Variants in TIAM2 observed in about 807,000 individuals in gnomAD.
TIAM2 encodes rho guanine nucleotide exchange factor TIAM2.
Under a neutral mutation model 152.9 loss-of-function variants are expected in TIAM2, and 80 were observed. The ratio of observed to expected loss-of-function variants is 0.52; its 90% CI spans 0.44 to 0.63. The LOEUF is 0.63. TIAM2 is among the 30% of genes least tolerant of loss of function. TIAM2 has a pLI of 0.00. For missense variants in TIAM2, 1,965 were observed against 2,120.1 expected (o/e 0.93, Z 1.44); for synonymous variants, 804 against 838.0 (o/e 0.96, Z 0.70).
chr6:155,051,847 C>G (rs1256321416), intron 1 of TIAM2, among the ~76,000 whole-genome samples: 1 of 152,104 alleles, frequency 6.6e-6, no homozygotes, highest in Admixed American at 6.6e-5. Flanking sequence ...ACCATGTTGG[C>G]CAGGATGGTC....
intron 7 of TIAM2, among the ~76,000 whole-genome samples, chr6:155,155,986 C>G (rs905092550): frequency 3.9e-5 from 6 of 152,152 alleles, no homozygotes; most frequent in Non-Finnish European, 8.8e-5. Flanking sequence ...CAGTTGAGCT[C>G]TCAGTCTAGC....
At chr6:155,063,557 G>A (rs1187611108) in intron 1 of TIAM2, among the ~76,000 whole-genome samples, 1 of 152,130 alleles carries the variant, frequency 6.6e-6, no homozygotes, top group Non-Finnish European at 1.5e-5. Flanking sequence ...GCCGAGGTGG[G>A]CGGATCACAA....
chr6:155,223,786 C>T (rs1482276402), intron 15 of TIAM2, among the ~76,000 whole-genome samples: 1 of 152,118 alleles, frequency 6.6e-6, no homozygotes, highest in Non-Finnish European at 1.5e-5. Context: ...GTAAGGGACG[C>T]TCAGGTGGCT....
At chr6:155,048,534 A>G (rs540768427) in intron 1 of TIAM2, among the ~76,000 whole-genome samples, 321 of 149,652 alleles carry the variant, frequency 2.1e-3, no homozygotes, top group Non-Finnish European at 3.8e-3. Context: ...TGGAAGGAAG[A>G]GGACAGAGCA....
intron 20 of TIAM2, among the ~76,000 whole-genome samples, chr6:155,248,622 A>C (rs1783471898): frequency 6.6e-6 from 1 of 151,634 alleles, no homozygotes; most frequent in Admixed American, 6.6e-5. Context: ...ATCTCTGAGC[A>C]GAGCTCGGCT....
At chr6:155,001,445 A>AT (rs879493644) in intron 1 of TIAM2, among the ~76,000 whole-genome samples, 11 of 152,126 alleles carry the variant, frequency 7.2e-5, no homozygotes, top group Non-Finnish European at 1.6e-4. Context: ...GAAAGCTTTT[A>AT]TTTTTTGTGA....
intron 1 of TIAM2, among the ~76,000 whole-genome samples, chr6:155,052,585 G>A (rs1464423549): frequency 6.6e-6 from 1 of 151,940 alleles, no homozygotes; most frequent in Non-Finnish European, 1.5e-5. Flanking sequence ...GGCCAACATG[G>A]TGAAACCCTG....
intron 16 of TIAM2, among the ~76,000 whole-genome samples, chr6:155,243,363 G>A (rs183271238): frequency 1.2e-4 from 19 of 152,274 alleles, no homozygotes; most frequent in Admixed American, 1.2e-3. Flanking sequence ...CCACCCAGAC[G>A]CCCTTCCTCT....
intron 2 of TIAM2, among the ~76,000 whole-genome samples, chr6:155,111,153 C>T (rs1043705053): frequency 6.6e-6 from 1 of 152,032 alleles, no homozygotes; most frequent in African/African-American, 2.4e-5. Context: ...CCCTTGGCCA[C>T]CCCTGGAAGG....
intron 1 of TIAM2, among the ~76,000 whole-genome samples, chr6:155,066,147 C>T (rs1583174440): frequency 1.0e-5 from 1 of 98,512 alleles, no homozygotes; most frequent in East Asian, 3.3e-4. Flanking sequence ...CTCTTGTCCC[C>T]TTCTCAATTT....
chr6:155,155,631 C>T (rs1010588298), intron 7 of TIAM2, among the ~76,000 whole-genome samples: 10 of 152,142 alleles, frequency 6.6e-5, no homozygotes, highest in African/African-American at 2.4e-4. Context: ...TACGCCACCA[C>T]ACCCGGCAAA....
chr6:155,029,977 G>C (rs1185617287), intron 1 of TIAM2, among the ~76,000 whole-genome samples: 6 of 151,806 alleles, frequency 4.0e-5, no homozygotes, highest in Admixed American at 1.3e-4. Flanking sequence ...ATGTTTTGTA[G>C]AGATGGGGGT....
chr6:155,219,847 A>G (rs889937793), intron 15 of TIAM2, among the ~76,000 whole-genome samples: 12 of 152,216 alleles, frequency 7.9e-5, no homozygotes, highest in African/African-American at 2.4e-4. Context: ...AGGGTTGGCA[A>G]TGTCACTTAC....
chr6:155,162,121 C>G (rs1388137942), intron 7 of TIAM2, among the ~76,000 whole-genome samples: 1 of 151,776 alleles, frequency 6.6e-6, no homozygotes, highest in Admixed American at 6.6e-5. Context: ...CCATGCCTGG[C>G]TAATTTCTGT....
At chr6:155,032,784 G>T (rs1018389527) in intron 1 of TIAM2, among the ~76,000 whole-genome samples, 2 of 152,076 alleles carry the variant, frequency 1.3e-5, no homozygotes, top group Non-Finnish European at 2.9e-5. Flanking sequence ...CAGGTGATCC[G>T]CCCACCTCGG....
intron 1 of TIAM2, among the ~76,000 whole-genome samples, chr6:155,089,670 T>C (rs1172519055): frequency 6.6e-6 from 1 of 152,230 alleles, no homozygotes; most frequent in African/African-American, 2.4e-5. Context: ...TTCAGGCTAG[T>C]TGTCATTTCA....
At chr6:155,178,503 G>A (rs1780813480) in intron 10 of TIAM2, among the ~76,000 whole-genome samples, 1 of 152,098 alleles carries the variant, frequency 6.6e-6, no homozygotes, top group Non-Finnish European at 1.5e-5. Flanking sequence ...TTAATCATAA[G>A]CAATATTGTT....
intron 15 of TIAM2, among the ~76,000 whole-genome samples, chr6:155,217,665 A>G (rs1229876440): frequency 6.6e-6 from 1 of 152,194 alleles, no homozygotes; most frequent in Non-Finnish European, 1.5e-5. Flanking sequence ...GTAATCACCT[A>G]GTGTCGCTTT....
chr6:155,155,991 T>C (rs1395702196), intron 7 of TIAM2, among the ~76,000 whole-genome samples: 1 of 152,100 alleles, frequency 6.6e-6, no homozygotes, highest in Non-Finnish European at 1.5e-5. Context: ...GAGCTCTCAG[T>C]CTAGCAGGTG....
Sources: gnomAD v4.1 joint callset for allele counts (sites outside exome capture counted in the v4.1 genomes callset) on GRCh38, gnomAD v4.1.1 for gene constraint, MANE v1.5 for transcripts, NCBI Gene and HGNC (gene_info 2026-07-23, HGNC 2026-07-21) for gene names.